The following SNTG2 variants were observed in gnomAD, a reference collection of about 807,000 sequenced individuals.
SNTG2 encodes gamma-2-syntrophin.
A neutral mutation model predicts 70.9 loss-of-function variants in SNTG2; 74 were observed. The observed-to-expected ratio is 1.04, with a 90% confidence interval of 0.86 to 1.27. The LOEUF (loss-of-function observed/expected upper bound fraction) is 1.27. Ranked by LOEUF, SNTG2 falls within the 50% of genes most tolerant of loss-of-function variation. The pLI is 0.00. For synonymous variants in SNTG2, 278 were observed against 273.8 expected, an observed-to-expected ratio of 1.02 and a Z score of -0.15; for missense variants, 717 against 690.7, an observed-to-expected ratio of 1.04 and a Z score of -0.43.
chr2:1,280,625 T>A (rs1679472016), intron 14 of SNTG2, among the ~76,000 whole-genome samples: 1 of 152,222 alleles, frequency 6.6e-6, no homozygotes, highest in African/African-American at 2.4e-5. Flanking sequence ...CAAATTTATG[T>A]TAAAATTCAG....
chr2:1,328,718 G>A (rs906293935), intron 16 of SNTG2, among the ~76,000 whole-genome samples: 1 of 152,146 alleles, frequency 6.6e-6, no homozygotes, highest in Non-Finnish European at 1.5e-5. Context: ...GCATTGGTTA[G>A]CAGGGGTTTA....
At chr2:1,128,250 G>T (rs1005620828) in intron 4 of SNTG2, among the ~76,000 whole-genome samples, 1 of 151,528 alleles carries the variant, frequency 6.6e-6, no homozygotes, top group African/African-American at 2.4e-5. Context: ...ATTCATTTTC[G>T]CATACTGTGA....
At chr2:1,002,149 CTA>C (rs1175542907) in intron 1 of SNTG2, among the ~76,000 whole-genome samples, 1 of 152,010 alleles carries the variant, frequency 6.6e-6, no homozygotes, top group Non-Finnish European at 1.5e-5. Context: ...ACACCTGAAA[CTA>C]TAAAAAAACC....
chr2:1,092,253 G>A (rs35351170), intron 2 of SNTG2, among the ~76,000 whole-genome samples: 65 of 26,358 alleles, frequency 2.5e-3, no homozygotes, highest in East Asian at 0.012. Context: ...CAATTAGAGA[G>A]AGAAAAAAAA....
chr2:994,706 A>G (rs1661619276), intron 1 of SNTG2, among the ~76,000 whole-genome samples: 1 of 151,880 alleles, frequency 6.6e-6, no homozygotes, highest in African/African-American at 2.4e-5. Flanking sequence ...CTTTCTATTT[A>G]TTTAGTTCTT....
intron 1 of SNTG2, among the ~76,000 whole-genome samples, chr2:1,071,318 G>A (rs955079433): frequency 6.6e-6 from 1 of 150,572 alleles, no homozygotes; most frequent in Non-Finnish European, 1.5e-5. Context: ...ATACTATGCA[G>A]CCATAAAAAA....
chr2:1,007,465 C>T lies in SNTG2; in HGVS notation c.72+56397C>T, dbSNP rs75126359. On this transcript the variant is annotated intron_variant, in intron 1 of 16. Coordinates refer to ENST00000308624, the MANE Select transcript of SNTG2 (RefSeq NM_018968.4). ...CAGGAAACAAAACTTCCCTGAGCCT[C>T]AGTTTCCACAGTAAAAATGGCATTA... Among the ~76,000 whole-genome samples the T allele has an allele frequency of 9.8e-3, 1,492 of 152,284 alleles. 24 individuals carry two copies. The highest frequency in any genetic ancestry group is 0.034 in the African/African-American group (1,397 of 41,552).
In SNTG2 at chr2:1,063,256, C is replaced by G. The variant is rs76689386; in HGVS notation, c.73-20262C>G. Among the ~76,000 whole-genome samples, 474 of 152,278 alleles carry G rather than the reference C, an allele frequency of 3.1e-3. 2 individuals carry two copies. Among genetic ancestry groups the G allele is most frequent in the African/African-American group, 0.011 (449 of 41,528 alleles). Reference sequence around the variant, plus strand: ...ACCGGTGATGCTGCCGGGCTCCTCACAGATGAGCTAAGGAGAAACCAACTG... The same window carrying G: ...ACCGGTGATGCTGCCGGGCTCCTCAGAGATGAGCTAAGGAGAAACCAACTG... On this transcript the variant is annotated intron_variant, in intron 1 of 16. Coordinates refer to ENST00000308624, the MANE Select transcript of SNTG2 (RefSeq NM_018968.4).
At chr2:1,319,750 T>G (rs1173180212) in intron 16 of SNTG2, among the ~76,000 whole-genome samples, 1 of 152,078 alleles carries the variant, frequency 6.6e-6, no homozygotes, top group Admixed American at 6.5e-5. Flanking sequence ...AGTGCATGGG[T>G]GATGGGTGAC....
intron 4 of SNTG2, among the ~76,000 whole-genome samples, chr2:1,124,841 CA>C (rs1171170596): frequency 6.6e-6 from 1 of 152,104 alleles, no homozygotes; most frequent in African/African-American, 2.4e-5. Context: ...AAGCCGTGCA[CA>C]AGTAGGCGAG....
intron 8 of SNTG2, among the ~76,000 whole-genome samples, chr2:1,195,521 CT>C (rs1672856123): frequency 6.6e-6 from 1 of 152,108 alleles, no homozygotes; most frequent in Non-Finnish European, 1.5e-5. Flanking sequence ...TAAATGTCTT[CT>C]TTTGAGAAGT....
At chr2:1,261,858 G>T (rs1678430188) in intron 13 of SNTG2, among the ~76,000 whole-genome samples, 1 of 152,084 alleles carries the variant, frequency 6.6e-6, no homozygotes, top group South Asian at 2.1e-4. Flanking sequence ...GGACTTTCCA[G>T]AAGCCAAGCA....
intron 8 of SNTG2, among the ~76,000 whole-genome samples, chr2:1,202,991 A>G (rs149928201): frequency 0.011 from 1,699 of 152,318 alleles, 28 homozygotes; most frequent in African/African-American, 0.039. Context: ...TTTTATGCTC[A>G]GTGTTGATAG....
At chr2:1,092,905 T>C (rs376263431) in intron 2 of SNTG2, among the ~76,000 whole-genome samples, 31 of 152,348 alleles carry the variant, frequency 2.0e-4, no homozygotes, top group African/African-American at 7.5e-4. Context: ...GATTAAATGA[T>C]AAAATGCAGA....
At chr2:954,932 A>G (rs56164708) in intron 1 of SNTG2, among the ~76,000 whole-genome samples, 5,983 of 152,340 alleles carry the variant, frequency 0.039, 386 homozygotes, top group African/African-American at 0.14. Context: ...TAAGGAGTCT[A>G]CATTTTTACA....
At chr2:1,043,318 A>G (rs1488904049) in intron 1 of SNTG2, among the ~76,000 whole-genome samples, 1 of 151,950 alleles carries the variant, frequency 6.6e-6, no homozygotes, top group Non-Finnish European at 1.5e-5. Flanking sequence ...TGGATATTAT[A>G]CCCTTATCAG....
chr2:1,223,976 C>T (rs1024181600), intron 9 of SNTG2, among the ~76,000 whole-genome samples: 1 of 152,196 alleles, frequency 6.6e-6, no homozygotes, highest in South Asian at 2.1e-4. Flanking sequence ...ATGCGTCCCT[C>T]GAGCTCTGAA....
intron 4 of SNTG2, among the ~76,000 whole-genome samples, chr2:1,111,868 T>G (rs969265521): frequency 2.7e-5 from 4 of 149,112 alleles, no homozygotes; most frequent in South Asian, 2.2e-4. Flanking sequence ...TTAACCCTTA[T>G]ACTCCTTTGA....
Position 992,983 on chromosome 2 carries a change from A to G in SNTG2, c.72+41915A>G, listed in dbSNP as rs535780875. ...TTACCCCTCCCCCCAAATCCTGGCA[A>G]CATCAAATCTACTTTATATCTCTAA... On this transcript the variant is annotated intron_variant, in intron 1 of 16. Transcript: ENST00000308624. Among the ~76,000 whole-genome samples, 5 of 152,110 alleles carry G rather than the reference A, an allele frequency of 3.3e-5. No individual in the cohort carries two copies. In the East Asian group the frequency reaches 9.7e-4, roughly 29 times the overall value.
Sources: gnomAD v4.1 joint callset for allele counts (sites outside exome capture counted in the v4.1 genomes callset) on GRCh38, gnomAD v4.1.1 for gene constraint, MANE v1.5 for transcripts, NCBI Gene and HGNC (gene_info 2026-07-23, HGNC 2026-07-21) for gene names.